The following RAP1A variants were observed in gnomAD, a reference collection of about 807,000 sequenced individuals.
RAP1A encodes the protein RAP1A, member of RAS oncogene family.
Under a neutral mutation model 26.4 loss-of-function variants are expected in RAP1A, and 6 were observed. The observed-to-expected ratio is 0.23, with a 90% confidence interval of 0.12 to 0.45. The LOEUF (loss-of-function observed/expected upper bound fraction) is 0.45, where lower values mean the gene tolerates loss of function less well. RAP1A is among the 20% of genes least tolerant of loss of function. The pLI is 0.99. For synonymous variants in RAP1A, 73 were observed against 79.4 expected, an observed-to-expected ratio of 0.92 and a Z score of 0.43; for missense variants, 121 against 217.2, an observed-to-expected ratio of 0.56 and a Z score of 2.78.
intron 1 of RAP1A, among the ~76,000 whole-genome samples, chr1:111,593,126 T>C (rs1047935509): frequency 1.3e-5 from 2 of 152,088 alleles, no homozygotes; most frequent in African/African-American, 4.8e-5. Flanking sequence ...AAAGGTGAGA[T>C]CAGTGCTGTG....
intron 1 of RAP1A, among the ~76,000 whole-genome samples, chr1:111,591,839 T>A (rs1484722190): frequency 6.6e-6 from 1 of 152,228 alleles, no homozygotes; most frequent in African/African-American, 2.4e-5. Context: ...ATAGGGTACA[T>A]CCTACATCAT....
intron 1 of RAP1A, among the ~76,000 whole-genome samples, chr1:111,547,865 T>C (rs1228973062): frequency 6.6e-6 from 1 of 152,228 alleles, no homozygotes; most frequent in Non-Finnish European, 1.5e-5. Flanking sequence ...TCTAACTCTC[T>C]TAAAACACTC....
chr1:111,613,693 C>T (rs1472611863), intron 1 of RAP1A, among the ~76,000 whole-genome samples: 1 of 152,224 alleles, frequency 6.6e-6, no homozygotes, highest in East Asian at 1.9e-4. Context: ...TGCCCTGATT[C>T]ACCTAGACGA....
At chr1:111,549,151 G>T (rs1256526421) in intron 1 of RAP1A, among the ~76,000 whole-genome samples, 3 of 151,960 alleles carry the variant, frequency 2.0e-5, no homozygotes, top group Admixed American at 1.3e-4. Context: ...TTTCCCTGTT[G>T]TCTTTGTCTG....
intron 4 of RAP1A, among the ~76,000 whole-genome samples, chr1:111,702,306 T>C (rs1399954685): frequency 6.6e-6 from 1 of 151,522 alleles, no homozygotes; most frequent in African/African-American, 2.4e-5. Flanking sequence ...TTTTAAGTAA[T>C]ATATATATAT....
intron 1 of RAP1A, among the ~76,000 whole-genome samples, chr1:111,567,234 AGAG>A (rs1657939670): frequency 1.3e-5 from 2 of 152,192 alleles, no homozygotes; most frequent in Admixed American, 1.3e-4. Flanking sequence ...GTGGGTGCAG[AGAG>A]GAGGAGAACT....
intron 1 of RAP1A, among the ~76,000 whole-genome samples, chr1:111,651,456 T>C (rs562600436): frequency 2.0e-5 from 3 of 150,126 alleles, no homozygotes; most frequent in Non-Finnish European, 4.4e-5. Flanking sequence ...ATAATGCCTA[T>C]GGGAGATATA....
At chr1:111,619,788 C>CGCCGCCGCTCCCGAGGCCCCT (rs1553214385), upstream of RAP1A, 4 of 397,652 alleles carry the variant, frequency 1.0e-5, no homozygotes, top group South Asian at 2.5e-4. Context: ...GAGGAGGCGC[C>CGCCGCCGCTCCCGAGGCCCCT]GCCGCCGCTC....
At chr1:111,598,423 T>C (rs1158259520) in intron 1 of RAP1A, among the ~76,000 whole-genome samples, 1 of 152,162 alleles carries the variant, frequency 6.6e-6, no homozygotes, top group East Asian at 1.9e-4. Context: ...AGATTCCATA[T>C]ATTTAAGCAT....
At chr1:111,618,510 T>G (rs1329069867), upstream of RAP1A, among the ~76,000 whole-genome samples, 25 of 152,198 alleles carry the variant, frequency 1.6e-4, no homozygotes, top group Non-Finnish European at 1.5e-5. Context: ...CCCCTCCCCA[T>G]GTGATCCTAA....
At chr1:111,702,776 T>C (rs1662063637) in intron 4 of RAP1A, among the ~76,000 whole-genome samples, 1 of 152,168 alleles carries the variant, frequency 6.6e-6, no homozygotes, top group South Asian at 2.1e-4. Context: ...GCCAGGCTAG[T>C]CTTGAACTCC....
chr1:111,692,005 AAGGC>A (rs1661685994), intron 2 of RAP1A, among the ~76,000 whole-genome samples: 2 of 152,212 alleles, frequency 1.3e-5, no homozygotes. Flanking sequence ...ATTTAGAAGA[AAGGC>A]AGAGTGGATG....
chr1:111,591,837 C>T (rs777836901), intron 1 of RAP1A, among the ~76,000 whole-genome samples: 8 of 152,284 alleles, frequency 5.3e-5, no homozygotes, highest in Non-Finnish European at 1.0e-4. Context: ...CTATAGGGTA[C>T]ATCCTACATC....
intron 1 of RAP1A, among the ~76,000 whole-genome samples, chr1:111,588,490 C>T (rs1170927583): frequency 6.6e-6 from 1 of 152,164 alleles, no homozygotes; most frequent in Non-Finnish European, 1.5e-5. Flanking sequence ...ACATGGAACA[C>T]ACAAGATCCC....
At chr1:111,578,542 C>T (rs1035735790) in intron 1 of RAP1A, among the ~76,000 whole-genome samples, 1 of 151,878 alleles carries the variant, frequency 6.6e-6, no homozygotes, top group Non-Finnish European at 1.5e-5. Context: ...TACTAATACC[C>T]AACTCATAAT....
intron 1 of RAP1A, among the ~76,000 whole-genome samples, chr1:111,662,532 G>A (rs1053138213): frequency 4.6e-5 from 7 of 151,996 alleles, no homozygotes; most frequent in Admixed American, 4.6e-4. Context: ...AAAAATTTGT[G>A]TAGAACTGTA....
intron 1 of RAP1A, among the ~76,000 whole-genome samples, chr1:111,569,884 G>T (rs958308322): frequency 2.0e-5 from 3 of 152,132 alleles, no homozygotes; most frequent in Non-Finnish European, 4.4e-5. Flanking sequence ...TCACTGGAAG[G>T]TTCTGATTAA....
At position 111,695,417 on chromosome 1, in the gene RAP1A, G is replaced by A; in HGVS notation, c.126+8G>A. The A allele has an allele frequency of 6.5e-7, 1 of 1,538,232 alleles. No individual in the cohort carries two copies. The highest frequency in any genetic ancestry group is 8.7e-7 in the Non-Finnish European group (1 of 1,143,680). The stretch of plus-strand genomic sequence containing the variant: ...GAAGATTCCTACAGAAAGGTAAAAT[G>A]TGAAACTTGTACACACATGCTTACA... On this transcript the variant is annotated splice_region_variant and intron_variant, in intron 3 of 7. Coordinates refer to ENST00000369709, the MANE Select transcript of RAP1A (RefSeq NM_002884.4).
upstream of RAP1A, among the ~76,000 whole-genome samples, chr1:111,618,620 G>A (rs1355090068): frequency 1.3e-5 from 2 of 152,106 alleles, no homozygotes; most frequent in African/African-American, 4.8e-5. Context: ...CCATTTGGAT[G>A]TATAACAGAC....
Sources: gnomAD v4.1 joint callset for allele counts (sites outside exome capture counted in the v4.1 genomes callset) on GRCh38, gnomAD v4.1.1 for gene constraint, MANE v1.5 for transcripts, NCBI Gene and HGNC (gene_info 2026-07-23, HGNC 2026-07-21) for gene names.